INTS14: variants seen among roughly 807,000 people sequenced by gnomAD.
INTS14 encodes the protein integrator complex subunit 14, also known as UPF0464 protein C15orf44.
In INTS14, 27 loss-of-function variants were observed where a neutral mutation model predicts 56.9. The ratio of observed to expected loss-of-function variants is 0.47; its 90% CI spans 0.35 to 0.65. INTS14 has a LOEUF of 0.65. INTS14 is among the 30% of genes least tolerant of loss of function. INTS14 has a pLI of 0.00. For synonymous variants in INTS14, 207 were observed against 236.2 expected, an observed-to-expected ratio of 0.88 and a Z score of 1.13; for missense variants, 517 against 632.2, an observed-to-expected ratio of 0.82 and a Z score of 1.95.
At chr15:65,595,902 A>G (rs2073194669) in intron 6 of INTS14, 77 bp from the exon 7 acceptor site, 4 of 1,149,712 alleles carry the variant, frequency 3.5e-6, no homozygotes, top group Non-Finnish European at 5.0e-6. Flanking sequence ...ACATTTCACA[A>G]ATGCACTGTT....
rs747759523 is a variant in INTS14 at position 65,610,954 on chromosome 15, C to A, written c.-63+144G>T. On this transcript the variant is annotated intron_variant, in intron 1 of 11. Coordinates refer to ENST00000313182, the MANE Select transcript of INTS14 (RefSeq NM_001394796.1). ...GCCGGGAGCAGCGCCCCGGAACTGGCGCCTCACAGACAGCGCGGGGCGGCC... is the reference window on the plus strand; with the variant it reads ...GCCGGGAGCAGCGCCCCGGAACTGGAGCCTCACAGACAGCGCGGGGCGGCC... 22 of 1,472,948 alleles carry A rather than the reference C, an allele frequency of 1.5e-5. No homozygotes were observed. The South Asian group carries it at 2.6e-4, about 17-fold the overall frequency. 91.2% of individuals were successfully genotyped at this position (1,472,948 alleles called of 1,614,324 possible). A position where few individuals can be genotyped will look rare whatever the true frequency, so the allele number is the denominator to read the frequency against.
rs748902130 is a variant in INTS14, at chr15:65,579,483, A to G, written c.1482T>C (p.Ser494=). Reference sequence around the variant, plus strand: ...TGTTCTGGTCATAAGCGGCATACTCAGAGGTGCCGGTACTGGCCAGCTTGA... The same window carrying G: ...TGTTCTGGTCATAAGCGGCATACTCGGAGGTGCCGGTACTGGCCAGCTTGA... The part of the protein sequence containing the change: ...QQLKLASTGT[S]EYAAYDQNIT... Residue 494 remains serine (S), a synonymous_variant, in exon 12 of 12, where the codon TCT becomes TCC. Coordinates refer to ENST00000313182, the MANE Select transcript of INTS14 (RefSeq NM_001394796.1). 19 of 1,614,130 alleles carry G rather than the reference A, an allele frequency of 1.2e-5. No individual in the cohort carries two copies. The highest frequency in any genetic ancestry group is 2.2e-5 in the South Asian group (2 of 91,092).
chr15:65,599,560 A>T (rs1426620721), intron 4 of INTS14: 1 of 471,358 alleles, frequency 2.1e-6, no homozygotes, highest in African/African-American at 2.0e-5. Context: ...GATGGATAAC[A>T]ACTCCAGCTA....
chr15:65,603,167 T>C (rs1288611808), intron 3 of INTS14, among the ~76,000 whole-genome samples: 2 of 152,214 alleles, frequency 1.3e-5, no homozygotes, highest in Non-Finnish European at 2.9e-5. Flanking sequence ...AAAAAGCTTT[T>C]TTATTTCAGA....
intron 10 of INTS14, among the ~76,000 whole-genome samples, chr15:65,582,863 A>C (rs1490119092): frequency 6.6e-6 from 1 of 152,212 alleles, no homozygotes; most frequent in African/African-American, 2.4e-5. Context: ...AGACAAACCC[A>C]ATTAAAAAAT....
At chr15:65,600,004 C>T (rs1444610850) in intron 3 of INTS14, 75 bp from the exon 4 acceptor site, 4 of 1,494,210 alleles carry the variant, frequency 2.7e-6, no homozygotes, top group Non-Finnish European at 3.6e-6. Context: ...GCAGTGTTTT[C>T]ACTGCTAGAA....
rs753783381 is a variant in INTS14, at chr15:65,593,577, G to GA, written c.842-6dup. The GA allele has an allele frequency of 8.1e-6, 13 of 1,599,326 alleles. No homozygotes were observed. The highest frequency in any genetic ancestry group is 6.8e-5 in the South Asian group (6 of 87,748). On this transcript the variant is annotated splice_polypyrimidine_tract_variant and splice_region_variant and intron_variant, in intron 7 of 11. Coordinates refer to ENST00000313182, the MANE Select transcript of INTS14 (RefSeq NM_001394796.1). ...CAGTACCCACCTCATCACCTTCTGTGAAAAAAAGAGAAAACAGGTCAGACT... is the reference window on the plus strand; with the variant it reads ...CAGTACCCACCTCATCACCTTCTGTGAAAAAAAAGAGAAAACAGGTCAGACT...
intron 5 of INTS14, 28 bp downstream of exon 5, chr15:65,598,844 G>A: frequency 6.5e-6 from 10 of 1,526,774 alleles, no homozygotes; most frequent in Non-Finnish European, 9.0e-6. Context: ...TTGTAAAGAA[G>A]GCAAAAGAGC....
At chr15:65,601,208 A>T (rs187401143) in intron 3 of INTS14, among the ~76,000 whole-genome samples, 65 of 152,378 alleles carry the variant, frequency 4.3e-4, no homozygotes, top group African/African-American at 1.5e-3. Flanking sequence ...AATGGATAGT[A>T]ATTGCAAAAT....
chr15:65,611,124 G>A lies in INTS14; in HGVS notation c.-89C>T. On this transcript the variant is annotated 5_prime_UTR_variant, in exon 1 of 12. It adds an upstream start codon to the 5' untranslated region. Transcript: ENST00000313182. ...CCGTGCCCATCGCCGGACACAGTCCGTCGGCATAAACTTTCCGTCGGCATA... is the reference window on the plus strand; with the variant it reads ...CCGTGCCCATCGCCGGACACAGTCCATCGGCATAAACTTTCCGTCGGCATA... The A allele has an allele frequency of 6.5e-7, 1 of 1,534,838 alleles. No individual in the cohort carries two copies. Among genetic ancestry groups the A allele is most frequent in the East Asian group, 2.4e-5 (1 of 40,898 alleles).
In INTS14 at chr15:65,591,316, C is replaced by A. The variant is rs905638745; in HGVS notation, c.1120+282G>T. ...ACAGGAAATTACTTGAACTATAGTA[C>A]ACCAAGAAAAAAAATTATGGAGATT... On this transcript the variant is annotated intron_variant, in intron 9 of 11. Transcript: ENST00000313182. Among the ~76,000 whole-genome samples, 3 of 152,058 alleles carry A rather than the reference C, an allele frequency of 2.0e-5. 1 individual carries two copies. The highest frequency in any genetic ancestry group is 2.4e-5 in the African/African-American group (1 of 41,426).
At chr15:65,591,136 T>C (rs546021418) in intron 9 of INTS14, among the ~76,000 whole-genome samples, 3 of 151,902 alleles carry the variant, frequency 2.0e-5, no homozygotes, top group Non-Finnish European at 4.4e-5. Context: ...GCAAAGAACA[T>C]GTTGGAAACC....
At chr15:65,581,821 T>A in intron 11 of INTS14, 133 bp downstream of exon 11, 1 of 865,686 alleles carries the variant, frequency 1.2e-6, no homozygotes. Context: ...CCTATCACTT[T>A]TACTGAGTTT....
At chr15:65,585,757 C>A (rs2072795857) in intron 9 of INTS14, among the ~76,000 whole-genome samples, 1 of 152,116 alleles carries the variant, frequency 6.6e-6, no homozygotes, top group Non-Finnish European at 1.5e-5. Context: ...AAATCTCTTG[C>A]CCAAAAGTTT....
At chr15:65,586,037 T>C (rs191691640) in intron 9 of INTS14, among the ~76,000 whole-genome samples, 28 of 152,230 alleles carry the variant, frequency 1.8e-4, no homozygotes, top group African/African-American at 6.5e-4. Context: ...CTATTTCTAT[T>C]ACTCCTCACT....
intron 7 of INTS14, among the ~76,000 whole-genome samples, chr15:65,594,212 T>C (rs762270010): frequency 6.6e-6 from 1 of 152,170 alleles, no homozygotes; most frequent in African/African-American, 2.4e-5. Context: ...ATTCTCCAGT[T>C]TCTCTCACAC....
At chr15:65,593,756 T>C (rs1596249513) in intron 7 of INTS14, among the ~76,000 whole-genome samples, 184 bp from the exon 8 acceptor site, 1 of 152,248 alleles carries the variant, frequency 6.6e-6, no homozygotes, top group East Asian at 1.9e-4. Flanking sequence ...TTCCACACAT[T>C]ATATGAATTC....
intron 1 of INTS14, among the ~76,000 whole-genome samples, chr15:65,608,926 C>A (rs1056514525): frequency 6.6e-6 from 1 of 152,104 alleles, no homozygotes; most frequent in Non-Finnish European, 1.5e-5. Flanking sequence ...CGGAGTCTTG[C>A]GACATCTGTC....
chr15:65,597,818 G>A (rs370116788), intron 6 of INTS14, among the ~76,000 whole-genome samples: 2 of 152,050 alleles, frequency 1.3e-5, no homozygotes, highest in African/African-American at 4.8e-5. Context: ...TAGTGAATAC[G>A]GCTATGATTT....
Sources: gnomAD v4.1 joint callset for allele counts (sites outside exome capture counted in the v4.1 genomes callset) on GRCh38, gnomAD v4.1.1 for gene constraint, MANE v1.5 for transcripts, NCBI Gene and HGNC (gene_info 2026-07-23, HGNC 2026-07-21) for gene names.